Variants in RIN2 observed in about 807,000 individuals in gnomAD.
RIN2 encodes RAB5 interacting protein 2.
A neutral mutation model predicts 78.0 loss-of-function variants in RIN2; 36 were observed. The observed-to-expected ratio is 0.46, with a 90% CI of 0.35 to 0.61. RIN2 has a LOEUF of 0.61. Among genes scored for constraint, RIN2 ranks in the 20% least tolerant of loss-of-function variants. The pLI is 0.00. For missense variants in RIN2, 1,087 were observed against 1,159.7 expected (o/e 0.94, Z 0.91); for synonymous variants, 466 against 466.8 (o/e 1.00, Z 0.02).
At chr20:19,785,172 AG>A (rs750804827) in intron 1 of RIN2, among the ~76,000 whole-genome samples, 103 of 152,300 alleles carry the variant, frequency 6.8e-4, no homozygotes, top group East Asian at 7.7e-4. Flanking sequence ...AGATGACAAA[AG>A]GAGCAGAAAG....
chr20:19,958,192 G>T (rs2041617452), intron 5 of RIN2, among the ~76,000 whole-genome samples: 1 of 152,210 alleles, frequency 6.6e-6, no homozygotes, highest in East Asian at 1.9e-4. Flanking sequence ...AACATGCTCA[G>T]GGGAACAAGG....
chr20:19,780,474 T>C (rs1266327867), intron 1 of RIN2, among the ~76,000 whole-genome samples: 2 of 152,118 alleles, frequency 1.3e-5, no homozygotes, highest in African/African-American at 4.8e-5. Flanking sequence ...CACGCCCTGC[T>C]ACCCACTGAG....
rs540567107 is a variant in RIN2 at position 19,797,448 on chromosome 20, A to T, written c.-162-2174A>T. On this transcript the variant is annotated intron_variant, in intron 1 of 12. Coordinates refer to ENST00000255006, the MANE Select transcript of RIN2 (RefSeq NM_018993.4). ...AAAAGCAAGAACATAGGCCATTTAC[A>T]CCTAGTTATTTTATTTGCACATACT... 2.0e-5 allele frequency among the ~76,000 whole-genome samples: 3 copies of T among 152,282 alleles called. No individual in the cohort carries two copies. In the East Asian group the frequency reaches 5.8e-4, roughly 29 times the overall value.
chr20:19,894,353 C>T (rs1239599342), intron 3 of RIN2, among the ~76,000 whole-genome samples: 2 of 152,136 alleles, frequency 1.3e-5, no homozygotes, highest in Admixed American at 6.6e-5. Context: ...ACTCTCCCTA[C>T]CATCCAGGCT....
intron 4 of RIN2, among the ~76,000 whole-genome samples, chr20:19,954,513 A>G (rs896291569): frequency 6.6e-6 from 1 of 152,190 alleles, no homozygotes; most frequent in African/African-American, 2.4e-5. Flanking sequence ...TGGAAATGTC[A>G]GCCCCCTCTC....
chr20:19,880,037 C>A (rs1314566070), intron 2 of RIN2, among the ~76,000 whole-genome samples: 1 of 152,046 alleles, frequency 6.6e-6, no homozygotes, highest in Non-Finnish European at 1.5e-5. Context: ...TCACTTGAGG[C>A]CAGGAGTTCA....
At chr20:19,823,240 G>A (rs546471670) in intron 2 of RIN2, among the ~76,000 whole-genome samples, 1 of 152,300 alleles carries the variant, frequency 6.6e-6, no homozygotes, top group South Asian at 2.1e-4. Flanking sequence ...AAGCTAACTG[G>A]CAGTGAACGT....
At position 19,985,526 on chromosome 20, in the gene RIN2, G is replaced by A. The variant is rs544250297; in HGVS notation, c.1763-4480G>A. Among the ~76,000 whole-genome samples, 6 of 152,234 alleles carry A rather than the reference G, an allele frequency of 3.9e-5. No individual in the cohort carries two copies. The East Asian group carries it at 1.2e-3, about 29-fold the overall frequency. On this transcript the variant is annotated intron_variant, in intron 9 of 12. Transcript: ENST00000255006. ...ACATTTAGTTTCTAAAGTTCAATAT[G>A]TTGTGGTTCAAACGATTTTTTACTA...
At chr20:19,820,486 G>T (rs1223042178) in intron 2 of RIN2, among the ~76,000 whole-genome samples, 1 of 152,204 alleles carries the variant, frequency 6.6e-6, no homozygotes, top group East Asian at 1.9e-4. Context: ...GAGAAGTGTG[G>T]GCGAGGGGTC....
intron 1 of RIN2, among the ~76,000 whole-genome samples, chr20:19,788,439 A>AAACAAAAAAAAC (rs1555818737): frequency 4.5e-5 from 6 of 132,994 alleles, no homozygotes; most frequent in Admixed American, 1.5e-4. Context: ...TGCCAAAAAA[A>AAACAAAAAAAAC]AAAAAAAAAA....
chr20:19,827,013 T>C (rs1005500861), intron 2 of RIN2, among the ~76,000 whole-genome samples: 27 of 149,824 alleles, frequency 1.8e-4, no homozygotes, highest in Admixed American at 7.3e-4. Context: ...TTCGCTCTTG[T>C]TGCCCAGGCT....
At chr20:19,903,490 T>G (rs1388701371) in intron 3 of RIN2, among the ~76,000 whole-genome samples, 2 of 152,338 alleles carry the variant, frequency 1.3e-5, no homozygotes, top group East Asian at 3.9e-4. Flanking sequence ...GATTCTAGGC[T>G]TGTTTCAGGG....
intron 3 of RIN2, chr20:19,934,712 G>A (rs2040564721): frequency 1.5e-6 from 1 of 654,356 alleles, no homozygotes; most frequent in Non-Finnish European, 1.9e-6. Context: ...TTCCTTTGGA[G>A]GGTTTCCCTT....
At chr20:19,884,090 A>T (rs2038108491) in intron 2 of RIN2, among the ~76,000 whole-genome samples, 1 of 150,356 alleles carries the variant, frequency 6.7e-6, no homozygotes, top group East Asian at 2.0e-4. Flanking sequence ...GCATACGGGC[A>T]TGAGCCACAG....
At chr20:19,844,650 T>C (rs1435959031) in intron 2 of RIN2, among the ~76,000 whole-genome samples, 18 of 126,906 alleles carry the variant, frequency 1.4e-4, no homozygotes, top group African/African-American at 5.3e-4. Flanking sequence ...TTCTTCTTCT[T>C]CTTCTTCTTC....
At chr20:19,850,398 G>A (rs994583608) in intron 2 of RIN2, among the ~76,000 whole-genome samples, 15 of 152,116 alleles carry the variant, frequency 9.9e-5, no homozygotes, top group Admixed American at 2.0e-4. Flanking sequence ...GAAATGTTAC[G>A]TATCCCATCA....
chr20:19,857,446 G>A (rs912618681), intron 2 of RIN2, among the ~76,000 whole-genome samples: 1 of 152,020 alleles, frequency 6.6e-6, no homozygotes, highest in African/African-American at 2.4e-5. Flanking sequence ...GAACATTTCT[G>A]TACGTGTATC....
chr20:19,808,134 C>G (rs1272861858), intron 2 of RIN2, among the ~76,000 whole-genome samples: 1 of 152,238 alleles, frequency 6.6e-6, no homozygotes, highest in Non-Finnish European at 1.5e-5. Context: ...GACGTTGATG[C>G]TAGTGTCTTA....
At chr20:19,942,497 G>A (rs1170679299) in intron 4 of RIN2, among the ~76,000 whole-genome samples, 1 of 152,120 alleles carries the variant, frequency 6.6e-6, no homozygotes, top group Non-Finnish European at 1.5e-5. Flanking sequence ...TGTACATGGT[G>A]GAAAAAGCAC....
Sources: allele counts gnomAD v4.1 joint callset (sites outside exome capture counted in the v4.1 genomes callset), GRCh38; gene constraint gnomAD v4.1.1; transcripts MANE v1.5; gene names NCBI Gene and HGNC (gene_info 2026-07-23, HGNC 2026-07-21).